Variants in IMMP2L observed in about 807,000 individuals in gnomAD.
IMMP2L encodes the protein inner mitochondrial membrane peptidase subunit 2, also known as mitochondrial inner membrane protease subunit 2.
In IMMP2L, 18 loss-of-function variants were observed where a neutral mutation model predicts 19.3. That is an observed-to-expected ratio of 0.93 (90% CI 0.64 to 1.38). The LOEUF (loss-of-function observed/expected upper bound fraction) is 1.38. Ranked by LOEUF, IMMP2L falls within the 40% of genes most tolerant of loss-of-function variation. The pLI, the probability that IMMP2L is intolerant of heterozygous loss-of-function variation, is 0.00. For synonymous variants in IMMP2L, 76 were observed against 73.0 expected (o/e 1.04, Z -0.21); for missense variants, 233 against 218.2 (o/e 1.07, Z -0.43).
intron 5 of IMMP2L, among the ~76,000 whole-genome samples, chr7:110,792,377 A>G (rs1299043493): frequency 6.7e-6 from 1 of 149,476 alleles, no homozygotes; most frequent in Non-Finnish European, 1.5e-5. Context: ...GTACTAGTTT[A>G]GAAATTAAAA....
At chr7:111,459,226 T>G (rs1839934742) in intron 3 of IMMP2L, among the ~76,000 whole-genome samples, 1 of 152,154 alleles carries the variant, frequency 6.6e-6, no homozygotes, top group Admixed American at 6.5e-5. Flanking sequence ...ATACATATTT[T>G]CATATTTAAT....
intron 3 of IMMP2L, among the ~76,000 whole-genome samples, chr7:111,479,544 C>G (rs1214309996): frequency 1.3e-5 from 2 of 151,980 alleles, no homozygotes; most frequent in Admixed American, 1.3e-4. Flanking sequence ...CTGCTTGAAA[C>G]CTAAACTGTT....
chr7:111,318,410 T>C (rs996718055), intron 3 of IMMP2L, among the ~76,000 whole-genome samples: 2 of 152,100 alleles, frequency 1.3e-5, no homozygotes, highest in Non-Finnish European at 2.9e-5. Context: ...TGCAGACACA[T>C]ACAGATGTCT....
intron 3 of IMMP2L, among the ~76,000 whole-genome samples, chr7:111,385,817 A>C (rs1019013874): frequency 3.3e-5 from 5 of 152,156 alleles, no homozygotes; most frequent in African/African-American, 7.2e-5. Flanking sequence ...AAATATGTGT[A>C]CATCTCAATT....
chr7:111,091,385 A>C (rs1796847182), intron 3 of IMMP2L: 1 of 152,188 alleles, frequency 6.6e-6, no homozygotes, highest in Admixed American at 6.5e-5. Flanking sequence ...ACACAGACAC[A>C]CAAATGCACC....
Position 110,664,419 on chromosome 7 carries a change from A to G in IMMP2L, c.409-698T>C, listed in dbSNP as rs535039662. 2.0e-5 allele frequency among the ~76,000 whole-genome samples: 3 copies of G among 152,244 alleles called. No homozygotes were observed. The East Asian group carries it at 5.8e-4, about 29-fold the overall frequency. ...GGTGGGATGGGTAGCAAGGAAAAAT[A>G]ATAAAGTATACAGATCATGGCAGAT... On this transcript the variant is annotated intron_variant, in intron 5 of 5. Coordinates refer to ENST00000405709, the MANE Select transcript of IMMP2L (RefSeq NM_032549.4).
chr7:111,344,407 T>C lies in IMMP2L; in HGVS notation c.239+142831A>G, dbSNP rs185855328. ...AGTTTCAATGTAATACCTCTTGAAA[T>C]AGACTTTCCTTGGACACCATATCTA... On this transcript the variant is annotated intron_variant, in intron 3 of 5. Transcript: ENST00000405709. Among the ~76,000 whole-genome samples, 25 of 152,280 alleles carry C rather than the reference T, an allele frequency of 1.6e-4. 1 individual carries two copies. Among genetic ancestry groups the C allele is most frequent in the Admixed American group, 1.4e-3 (22 of 15,280 alleles).
chr7:111,052,161 G>A (rs1460548671), intron 3 of IMMP2L, among the ~76,000 whole-genome samples: 1 of 152,198 alleles, frequency 6.6e-6, no homozygotes, highest in African/African-American at 2.4e-5. Flanking sequence ...ATATTTCTTT[G>A]ACGTATTTTA....
chr7:111,048,266 GAAAA>G (rs1395699136), intron 3 of IMMP2L, among the ~76,000 whole-genome samples: 3 of 110,770 alleles, frequency 2.7e-5, no homozygotes, highest in African/African-American at 1.1e-4. Context: ...AAAAAAAAAA[GAAAA>G]AAAGAAAAAA....
rs1407157598 is a variant in IMMP2L, at chr7:110,809,264, T to C, written c.408+77329A>G. Among the ~76,000 whole-genome samples, 8 of 152,066 alleles carry C rather than the reference T, an allele frequency of 5.3e-5. No individual in the cohort carries two copies. The South Asian group carries it at 8.4e-4, about 16-fold the overall frequency. ...TCACTGAAGAAGACTAAGATATTAA[T>C]ACTAAAAACAAATCAGGTAAATACT... is the stretch of plus-strand genomic sequence containing the variant. On this transcript the variant is annotated intron_variant, in intron 5 of 5. Transcript: ENST00000405709.
At chr7:111,393,255 C>T (rs183143638) in intron 3 of IMMP2L, among the ~76,000 whole-genome samples, 1 of 151,936 alleles carries the variant, frequency 6.6e-6, no homozygotes, top group Non-Finnish European at 1.5e-5. Flanking sequence ...CTGCTGGGAA[C>T]TGGAAACAAA....
chr7:111,190,074 G>T (rs570075487), intron 3 of IMMP2L, among the ~76,000 whole-genome samples: 13 of 152,144 alleles, frequency 8.5e-5, no homozygotes, highest in Admixed American at 2.6e-4. Context: ...AACAAAAATT[G>T]TCTGCAGATA....
intron 3 of IMMP2L, among the ~76,000 whole-genome samples, chr7:111,250,254 AG>A (rs2129631854): frequency 6.6e-6 from 1 of 152,196 alleles, no homozygotes; most frequent in Non-Finnish European, 1.5e-5. Flanking sequence ...AAGAAATCAA[AG>A]GACACAAATA....
intron 3 of IMMP2L, among the ~76,000 whole-genome samples, chr7:111,314,026 T>C (rs1823790201): frequency 6.6e-6 from 1 of 152,234 alleles, no homozygotes; most frequent in African/African-American, 2.4e-5. Context: ...AAGTGCCTGT[T>C]CCCGCTTTGC....
chr7:111,033,151 A>C (rs1791003937), intron 3 of IMMP2L, among the ~76,000 whole-genome samples: 1 of 152,194 alleles, frequency 6.6e-6, no homozygotes, highest in African/African-American at 2.4e-5. Context: ...AAGTAAATAG[A>C]TAAATAAAAA....
intron 3 of IMMP2L, among the ~76,000 whole-genome samples, chr7:111,084,002 G>C (rs1471855391): frequency 6.6e-6 from 1 of 152,156 alleles, no homozygotes; most frequent in Non-Finnish European, 1.5e-5. Context: ...GTAAGAAGTA[G>C]GCTTGCTAAA....
At chr7:111,335,255 G>A (rs529712884) in intron 3 of IMMP2L, among the ~76,000 whole-genome samples, 1 of 152,168 alleles carries the variant, frequency 6.6e-6, no homozygotes, top group South Asian at 2.1e-4. Context: ...TTGATGAAAT[G>A]GATGCATCCC....
chr7:110,966,796 G>A (rs527293664), intron 3 of IMMP2L, among the ~76,000 whole-genome samples: 1 of 151,882 alleles, frequency 6.6e-6, no homozygotes, highest in Admixed American at 6.6e-5. Context: ...GCATTACTTT[G>A]ATCTCAGCAG....
intron 3 of IMMP2L, among the ~76,000 whole-genome samples, chr7:110,985,247 G>A (rs1321127106): frequency 6.6e-6 from 1 of 151,960 alleles, no homozygotes; most frequent in Admixed American, 6.6e-5. Flanking sequence ...ATAAACATTT[G>A]TTGTTTTAAG....
Sources: gnomAD v4.1 joint callset for allele counts (sites outside exome capture counted in the v4.1 genomes callset) on GRCh38, gnomAD v4.1.1 for gene constraint, MANE v1.5 for transcripts, NCBI Gene and HGNC (gene_info 2026-07-23, HGNC 2026-07-21) for gene names.